KCNC2: variants seen among roughly 807,000 people sequenced by gnomAD.
The protein encoded by KCNC2 is voltage-gated potassium channel KCNC2.
KCNC2 carries 21 observed loss-of-function variants against 44.5 expected under a neutral mutation model. The observed-to-expected ratio is 0.47, with a 90% CI of 0.33 to 0.68. The LOEUF (loss-of-function observed/expected upper bound fraction) is 0.68, where lower values mean the gene tolerates loss of function less well. KCNC2 is among the 30% of genes least tolerant of loss of function. The pLI, the probability that KCNC2 is intolerant of heterozygous loss-of-function variation, is 0.01. For synonymous variants in KCNC2, 391 were observed against 339.1 expected (o/e 1.15, Z -1.68); for missense variants, 589 against 826.2 (o/e 0.71, Z 3.52).
At chr12:75,206,799 C>T (rs1376474741) in intron 2 of KCNC2, among the ~76,000 whole-genome samples, 1 of 152,208 alleles carries the variant, frequency 6.6e-6, no homozygotes, top group Non-Finnish European at 1.5e-5. Flanking sequence ...CACATAGATA[C>T]ATTCCATTTC....
intron 4 of KCNC2, chr12:75,044,380 A>G (rs558909282): frequency 6.6e-6 from 1 of 151,976 alleles, no homozygotes; most frequent in South Asian, 2.1e-4. Context: ...CTTACACTAT[A>G]TGACTTACTT....
At chr12:75,109,076 T>C (rs1208113042) in intron 2 of KCNC2, among the ~76,000 whole-genome samples, 3 of 152,224 alleles carry the variant, frequency 2.0e-5, no homozygotes, top group East Asian at 3.8e-4. Flanking sequence ...GCTGCTTATG[T>C]ATCTAAGTCT....
chr12:75,104,858 C>T (rs1027963778), intron 2 of KCNC2, among the ~76,000 whole-genome samples: 1 of 152,134 alleles, frequency 6.6e-6, no homozygotes, highest in Non-Finnish European at 1.5e-5. Context: ...GGAATATTAC[C>T]ACTGGGGCAG....
intron 2 of KCNC2, among the ~76,000 whole-genome samples, chr12:75,180,534 TTTTA>T (rs1298060780): frequency 6.6e-6 from 1 of 151,926 alleles, no homozygotes; most frequent in African/African-American, 2.4e-5. Context: ...TGTATATTGA[TTTTA>T]TTTGTTTCAA....
chr12:75,069,318 TAG>T (rs1883163404), intron 2 of KCNC2, among the ~76,000 whole-genome samples: 1 of 151,762 alleles, frequency 6.6e-6, no homozygotes. Flanking sequence ...ATTTTTTTAG[TAG>T]AGATGGGATT....
At chr12:75,100,439 T>C (rs949654743) in intron 2 of KCNC2, among the ~76,000 whole-genome samples, 3 of 152,084 alleles carry the variant, frequency 2.0e-5, no homozygotes, top group East Asian at 3.8e-4. Context: ...CTTTAAATGT[T>C]AAAATATCTG....
At chr12:75,048,458 T>C in intron 3 of KCNC2, 141 bp from the exon 4 acceptor site, 1 of 563,520 alleles carries the variant, frequency 1.8e-6, no homozygotes. Context: ...AAAAGAATTT[T>C]TATCACTCTT....
At chr12:75,048,045 A>T in intron 4 of KCNC2, 108 bp downstream of exon 4, 1 of 946,588 alleles carries the variant, frequency 1.1e-6, no homozygotes, top group Non-Finnish European at 1.7e-6. Context: ...AGAGCACTGT[A>T]CGCAGTCTTT....
At chr12:75,193,887 TGCA>T (rs1211734462) in intron 2 of KCNC2, among the ~76,000 whole-genome samples, 1 of 151,980 alleles carries the variant, frequency 6.6e-6, no homozygotes. Flanking sequence ...TAGTATAAAA[TGCA>T]ACAACCAAGA....
chr12:75,192,397 G>A (rs1235685544), intron 2 of KCNC2, among the ~76,000 whole-genome samples: 1 of 152,140 alleles, frequency 6.6e-6, no homozygotes, highest in Non-Finnish European at 1.5e-5. Flanking sequence ...CGATGTTTCT[G>A]TGTAAAAACT....
chr12:75,196,894 C>G (rs1470554492), intron 2 of KCNC2, among the ~76,000 whole-genome samples: 4 of 152,066 alleles, frequency 2.6e-5, no homozygotes, highest in Non-Finnish European at 4.4e-5. Context: ...TCCTGCTGAA[C>G]TACAGGTAAC....
At chr12:75,157,465 G>A (rs922705006) in intron 2 of KCNC2, among the ~76,000 whole-genome samples, 1 of 151,794 alleles carries the variant, frequency 6.6e-6, no homozygotes, top group African/African-American at 2.4e-5. Context: ...TTGTCTTTTG[G>A]TTTCTTGTAA....
chr12:75,134,519 TAA>T (rs1889090620), intron 2 of KCNC2, among the ~76,000 whole-genome samples: 1 of 151,746 alleles, frequency 6.6e-6, no homozygotes, highest in Admixed American at 6.6e-5. Context: ...TTAAATTGAT[TAA>T]GTGTGTAAGT....
At chr12:75,193,877 T>C (rs1208577340) in intron 2 of KCNC2, among the ~76,000 whole-genome samples, 2 of 151,962 alleles carry the variant, frequency 1.3e-5, no homozygotes, top group African/African-American at 4.8e-5. Context: ...AGAGATTCAA[T>C]AGTATAAAAT....
At chr12:75,116,177 A>G (rs1887647225) in intron 2 of KCNC2, among the ~76,000 whole-genome samples, 1 of 152,196 alleles carries the variant, frequency 6.6e-6, no homozygotes, top group Non-Finnish European at 1.5e-5. Flanking sequence ...ATGGTTCAGC[A>G]TCACCATTTG....
chr12:75,195,568 G>A (rs2030687550), intron 2 of KCNC2, among the ~76,000 whole-genome samples: 1 of 151,964 alleles, frequency 6.6e-6, no homozygotes, highest in Non-Finnish European at 1.5e-5. Flanking sequence ...TACCTAATTA[G>A]TCAAAACTCC....
chr12:75,166,457 A>T (rs1891458802), intron 2 of KCNC2, among the ~76,000 whole-genome samples: 1 of 150,944 alleles, frequency 6.6e-6, no homozygotes, highest in South Asian at 2.1e-4. Flanking sequence ...AAAAAAAAAA[A>T]GTTAGACCTA....
chr12:75,068,186 C>T (rs1883026354), intron 2 of KCNC2, among the ~76,000 whole-genome samples: 1 of 152,078 alleles, frequency 6.6e-6, no homozygotes, highest in Admixed American at 6.5e-5. Context: ...GTGTTGAGTC[C>T]AAATTGGGAA....
rs1183910227 is a variant in KCNC2 at position 75,155,225 on chromosome 12, G to T, written c.687+52072C>A. 3.9e-5 allele frequency among the ~76,000 whole-genome samples: 6 copies of T among 152,010 alleles called. No individual in the cohort carries two copies. The South Asian group carries it at 1.2e-3, about 32-fold the overall frequency. On this transcript the variant is annotated intron_variant, in intron 2 of 4. Coordinates refer to ENST00000549446, the MANE Select transcript of KCNC2 (RefSeq NM_139137.4). ...AATTGGATGTGCAAATTGGATTAGG[G>T]CCTGATTTTATAAACTGAGTAAATT... is the stretch of plus-strand genomic sequence containing the variant.
Sources: allele counts gnomAD v4.1 joint callset (sites outside exome capture counted in the v4.1 genomes callset), GRCh38; gene constraint gnomAD v4.1.1; transcripts MANE v1.5; gene names NCBI Gene and HGNC (gene_info 2026-07-23, HGNC 2026-07-21).